Variants in DOCK3 observed in about 807,000 individuals in gnomAD.
DOCK3 encodes dedicator of cytokinesis protein 3.
In DOCK3, 60 loss-of-function variants were observed where a neutral mutation model predicts 265.6. That is an observed-to-expected ratio of 0.23 (90% CI 0.18 to 0.28). DOCK3 has a LOEUF of 0.28. Ranked by LOEUF, DOCK3 falls within the 10% of genes least tolerant of loss-of-function variation. DOCK3 has a pLI of 1.00. For missense variants in DOCK3, 1,981 were observed against 2,594.3 expected (o/e 0.76, Z 5.14); for synonymous variants, 881 against 938.0 (o/e 0.94, Z 1.11).
intron 3 of DOCK3, among the ~76,000 whole-genome samples, chr3:50,881,852 C>A (rs2048046484): frequency 6.6e-6 from 1 of 152,150 alleles, no homozygotes; most frequent in African/African-American, 2.4e-5. Flanking sequence ...ATCATGCTAC[C>A]TTATTTCAGA....
chr3:50,831,104 G>A (rs2045121520), intron 2 of DOCK3, among the ~76,000 whole-genome samples: 1 of 152,036 alleles, frequency 6.6e-6, no homozygotes, highest in Non-Finnish European at 1.5e-5. Flanking sequence ...AGCATATAAT[G>A]AGCAATGAGG....
rs2082993561 is a variant in DOCK3, at chr3:51,310,301, A to G, written c.2992A>G (p.Met998Val). The G allele has an allele frequency of 6.2e-7, 1 of 1,602,938 alleles. No homozygotes were observed. The highest frequency in any genetic ancestry group is 1.1e-5 in the South Asian group (1 of 88,366). The change falls in exon 28 of 53, where the codon ATG becomes GTG. Residue 998 changes from methionine (M) to valine (V), a missense_variant. By Grantham distance (21) the Met-to-Val change is conservative (BLOSUM62 1). Transcript: ENST00000266037. ...GATGAGTGTCTTCCCTCGGGACTGG[A>G]TGGTAATGAGACTGCTCACAAGCAA... ...MKMSVFPRDW[M>V]VMRLLTSNII...
intron 25 of DOCK3, among the ~76,000 whole-genome samples, chr3:51,277,406 C>T (rs544406251): frequency 6.3e-4 from 96 of 152,198 alleles, no homozygotes; most frequent in Non-Finnish European, 7.2e-4. Flanking sequence ...AGCCACCATG[C>T]CTGGGCAGCA....
chr3:50,706,104 G>GCTT (rs1471906124), intron 1 of DOCK3, among the ~76,000 whole-genome samples: 2 of 151,994 alleles, frequency 1.3e-5, no homozygotes, highest in Admixed American at 6.6e-5. Flanking sequence ...GAAGGCGCCT[G>GCTT]CTTCTCCTTT....
intron 2 of DOCK3, among the ~76,000 whole-genome samples, chr3:50,800,064 C>G (rs2042994023): frequency 6.6e-6 from 1 of 152,014 alleles, no homozygotes; most frequent in Non-Finnish European, 1.5e-5. Flanking sequence ...TTATGGTTAT[C>G]TTTTTGATAT....
intron 5 of DOCK3, among the ~76,000 whole-genome samples, chr3:51,045,866 A>AT (rs1309575702): frequency 6.6e-6 from 1 of 152,146 alleles, no homozygotes; most frequent in Non-Finnish European, 1.5e-5. Context: ...ATTGTCTTAC[A>AT]TTTTTTAGGT....
intron 12 of DOCK3, among the ~76,000 whole-genome samples, chr3:51,166,773 G>A (rs565617818): frequency 2.2e-4 from 34 of 152,226 alleles, no homozygotes; most frequent in South Asian, 8.3e-4. Flanking sequence ...TTGGGAAAAC[G>A]TCTTTCAGGC....
At chr3:51,096,538 T>A (rs2082865226) in intron 9 of DOCK3, among the ~76,000 whole-genome samples, 1 of 152,186 alleles carries the variant, frequency 6.6e-6, no homozygotes, top group African/African-American at 2.4e-5. Context: ...TAGTTAGCAA[T>A]TCCTCTAATC....
intron 12 of DOCK3, among the ~76,000 whole-genome samples, chr3:51,194,055 C>T (rs1031294254): frequency 2.6e-5 from 4 of 151,978 alleles, no homozygotes; most frequent in African/African-American, 9.7e-5. Flanking sequence ...ATAAAATTCC[C>T]TCTTAGCACT....
At chr3:50,982,530 G>A (rs980860849) in intron 5 of DOCK3, among the ~76,000 whole-genome samples, 1 of 152,122 alleles carries the variant, frequency 6.6e-6, no homozygotes, top group Admixed American at 6.5e-5. Context: ...CAAGGCAGCC[G>A]ACTGCATCAG....
intron 33 of DOCK3, among the ~76,000 whole-genome samples, chr3:51,332,306 A>G (rs1293973092): frequency 6.6e-6 from 1 of 152,246 alleles, no homozygotes; most frequent in African/African-American, 2.4e-5. Flanking sequence ...GACCTGTGCG[A>G]TGGCAGAGGA....
At chr3:51,206,148 A>G (rs958249651) in intron 12 of DOCK3, among the ~76,000 whole-genome samples, 1 of 152,232 alleles carries the variant, frequency 6.6e-6, no homozygotes, top group East Asian at 1.9e-4. Context: ...TAAGATGACC[A>G]TAATGCAGAA....
chr3:51,229,128 G>A (rs1022358765), intron 18 of DOCK3, among the ~76,000 whole-genome samples: 2 of 152,122 alleles, frequency 1.3e-5, no homozygotes, highest in African/African-American at 4.8e-5. Context: ...CCTTGACTGG[G>A]AGAGTCTGGG....
chr3:50,706,463 A>C (rs1430906563), intron 1 of DOCK3, among the ~76,000 whole-genome samples: 2 of 152,198 alleles, frequency 1.3e-5, no homozygotes, highest in Non-Finnish European at 2.9e-5. Context: ...AGATGCTATC[A>C]GTCTGATGAA....
In DOCK3 at chr3:51,196,022, A is replaced by G. The variant is rs142051368; in HGVS notation, c.1038-12752A>G. 3.9e-3 allele frequency among the ~76,000 whole-genome samples: 597 copies of G among 151,982 alleles called. 6 individuals are homozygous for G. The highest frequency in any genetic ancestry group is 0.014 in the African/African-American group (564 of 41,450). ...GTAAATACAGCTCACTGCAGCCTCA[A>G]CTTCCCAGGCTCAAGCAATCTTCCT... On this transcript the variant is annotated intron_variant, in intron 12 of 52. Transcript: ENST00000266037.
intron 2 of DOCK3, among the ~76,000 whole-genome samples, chr3:50,816,781 C>T (rs2044102031): frequency 6.6e-6 from 1 of 151,740 alleles, no homozygotes; most frequent in Admixed American, 6.6e-5. Flanking sequence ...TTGTTTCTCT[C>T]TTATATTTTC....
At chr3:51,130,683 A>G (rs2084488461) in intron 9 of DOCK3, among the ~76,000 whole-genome samples, 1 of 152,120 alleles carries the variant, frequency 6.6e-6, no homozygotes, top group Non-Finnish European at 1.5e-5. Context: ...CCCTCCAAGG[A>G]TGCAATATTG....
At chr3:51,221,440 T>C (rs949683528) in intron 14 of DOCK3, among the ~76,000 whole-genome samples, 4 of 152,210 alleles carry the variant, frequency 2.6e-5, no homozygotes, top group African/African-American at 9.6e-5. Context: ...TTCTTTTACA[T>C]TTTAAAAGTG....
intron 21 of DOCK3, among the ~76,000 whole-genome samples, chr3:51,240,701 C>T (rs1221510832): frequency 2.0e-5 from 3 of 152,112 alleles, no homozygotes; most frequent in Admixed American, 6.5e-5. Context: ...TTGTCTTTTG[C>T]AGTCTTTGTT....
Sources: gnomAD v4.1 joint callset for allele counts (sites outside exome capture counted in the v4.1 genomes callset) on GRCh38, gnomAD v4.1.1 for gene constraint, MANE v1.5 for transcripts, NCBI Gene and HGNC (gene_info 2026-07-23, HGNC 2026-07-21) for gene names.